The following SHISA9 variants were observed in gnomAD, a reference collection of about 807,000 sequenced individuals.
SHISA9 encodes the protein protein shisa-9.
Under a neutral mutation model 38.0 loss-of-function variants are expected in SHISA9, and 13 were observed. The ratio of observed to expected loss-of-function variants is 0.34; its 90% CI spans 0.22 to 0.54. The LOEUF is 0.54. Among genes scored for constraint, SHISA9 ranks in the 20% least tolerant of loss-of-function variants. SHISA9 has a pLI of 0.91. For synonymous variants in SHISA9, 275 were observed against 242.0 expected (o/e 1.14, Z -1.27); for missense variants, 538 against 575.8 (o/e 0.93, Z 0.67).
the SHISA9 span, among the ~76,000 whole-genome samples, chr16:13,258,695 G>C: frequency 6.6e-6 from 1 of 152,154 alleles, no homozygotes; most frequent in Admixed American, 6.5e-5. Context: ...CATGGTGGTA[G>C]CAAGAGAAAA....
At position 12,943,156 on chromosome 16, in the gene SHISA9, C is replaced by T. The variant is rs373880770; in HGVS notation, c.691+26341C>T. On this transcript the variant is annotated intron_variant, in intron 2 of 4. Coordinates refer to ENST00000558583, the MANE Select transcript of SHISA9 (RefSeq NM_001145204.3). Reference sequence around the variant, plus strand: ...CCCATTCCTGCACCAGTCACTGTGACGAGGGGAGGTGGTGCTCTGATTGGT... The same window carrying T: ...CCCATTCCTGCACCAGTCACTGTGATGAGGGGAGGTGGTGCTCTGATTGGT... 8.6e-5 allele frequency among the ~76,000 whole-genome samples: 13 copies of T among 151,868 alleles called. No individual in the cohort carries two copies. The East Asian group carries it at 1.4e-3, about 16-fold the overall frequency.
At position 13,240,154 on chromosome 16, in the gene SHISA9, C is replaced by T. The variant is rs2051423046; in HGVS notation, c.*4745C>T. 1 of 152,260 alleles carries T rather than the reference C, an allele frequency of 6.6e-6. No homozygotes were observed. Among genetic ancestry groups the T allele is most frequent in the African/African-American group, 2.4e-5 (1 of 41,460 alleles). 9.4% of individuals were successfully genotyped at this position (152,260 alleles called of 1,614,324 possible). The stretch of plus-strand genomic sequence containing the variant: ...CAGCCTCCATCTGCCTTGGGCTCCG[C>T]CTGGCCTCCCCATCTAACTCTTCCC... On this transcript the variant is annotated 3_prime_UTR_variant, in exon 5 of 5. Transcript: ENST00000558583.
At chr16:13,415,134 A>G in the SHISA9 span, among the ~76,000 whole-genome samples, 2 of 152,346 alleles carry the variant, frequency 1.3e-5, no homozygotes, top group South Asian at 2.1e-4. Flanking sequence ...GTTATAGTTC[A>G]TGATGTACAG....
the SHISA9 span, among the ~76,000 whole-genome samples, chr16:13,504,678 C>G: frequency 2.0e-5 from 3 of 152,046 alleles, no homozygotes; most frequent in Non-Finnish European, 4.4e-5. Context: ...ACAAATGAAC[C>G]ACTAGCCCTC....
At chr16:13,457,343 A>G in the SHISA9 span, among the ~76,000 whole-genome samples, 1 of 152,096 alleles carries the variant, frequency 6.6e-6, no homozygotes, top group Non-Finnish European at 1.5e-5. Context: ...GAGTTCTGTG[A>G]GTCCTAGGTA....
At chr16:12,982,827 T>G (rs1374813589) in intron 2 of SHISA9, among the ~76,000 whole-genome samples, 1 of 152,210 alleles carries the variant, frequency 6.6e-6, no homozygotes, top group Non-Finnish European at 1.5e-5. Flanking sequence ...ATAAGATACT[T>G]AAAAAGCATT....
the SHISA9 span, among the ~76,000 whole-genome samples, chr16:13,512,523 C>G: frequency 1.3e-5 from 2 of 151,890 alleles, no homozygotes; most frequent in African/African-American, 4.8e-5. Context: ...TCATATGGAA[C>G]CAAAAAAAAG....
downstream of SHISA9, among the ~76,000 whole-genome samples, chr16:13,244,939 A>G (rs550678318): frequency 1.3e-5 from 2 of 152,272 alleles, no homozygotes; most frequent in African/African-American, 4.8e-5. Context: ...CTTTTGAGAC[A>G]GGATCTCACT....
intron 2 of SHISA9, among the ~76,000 whole-genome samples, chr16:13,052,765 TA>T (rs1013959590): frequency 1.3e-5 from 2 of 151,938 alleles, no homozygotes; most frequent in African/African-American, 4.8e-5. Flanking sequence ...AAAACAGATT[TA>T]AAAAAAATGC....
intron 2 of SHISA9, among the ~76,000 whole-genome samples, chr16:12,958,924 G>T (rs2071872154): frequency 6.6e-6 from 1 of 152,190 alleles, no homozygotes; most frequent in Non-Finnish European, 1.5e-5. Flanking sequence ...AGTTGGGTCT[G>T]AGGGTTGGCC....
intron 2 of SHISA9, among the ~76,000 whole-genome samples, chr16:12,955,911 C>T (rs1203051416): frequency 6.6e-6 from 1 of 152,114 alleles, no homozygotes; most frequent in Non-Finnish European, 1.5e-5. Context: ...AGAAATGAGA[C>T]TTACTTTAAT....
At chr16:13,131,665 C>T (rs1217616788) in intron 2 of SHISA9, among the ~76,000 whole-genome samples, 1 of 152,152 alleles carries the variant, frequency 6.6e-6, no homozygotes, top group Non-Finnish European at 1.5e-5. Flanking sequence ...AAGCAGGTGA[C>T]AGCCATATTT....
intron 2 of SHISA9, among the ~76,000 whole-genome samples, chr16:13,015,898 CTTTCTT>C (rs1567182422): frequency 0.011 from 1,277 of 114,832 alleles, 14 homozygotes; most frequent in Admixed American, 0.016. Flanking sequence ...TTCTTTCTTT[CTTTCTT>C]TCTTTTCTTT....
intron 2 of SHISA9, among the ~76,000 whole-genome samples, chr16:13,095,548 C>T (rs1312064182): frequency 6.6e-6 from 1 of 152,226 alleles, no homozygotes; most frequent in African/African-American, 2.4e-5. Context: ...GCTCCCATGA[C>T]TCTTAGAATA....
rs540409413 is a variant in SHISA9 at position 13,080,298 on chromosome 16, G to A, written c.692-123096G>A. Reference sequence around the variant, plus strand: ...TGACGCAGGAGAATGGCATGAACCCGGGAGGTGGAGCTTGCAGTGAGCCTA... The same window carrying A: ...TGACGCAGGAGAATGGCATGAACCCAGGAGGTGGAGCTTGCAGTGAGCCTA... On this transcript the variant is annotated intron_variant, in intron 2 of 4. Coordinates refer to ENST00000558583, the MANE Select transcript of SHISA9 (RefSeq NM_001145204.3). Among the ~76,000 whole-genome samples the A allele has an allele frequency of 5.9e-5, 9 of 152,316 alleles. No individual in the cohort carries two copies. In the East Asian group the frequency reaches 1.2e-3, roughly 20 times the overall value.
chr16:13,188,766 A>T (rs1027023060), intron 2 of SHISA9, among the ~76,000 whole-genome samples: 1 of 151,998 alleles, frequency 6.6e-6, no homozygotes. Flanking sequence ...AATTGAAAAT[A>T]AATGAAAGTA....
chr16:13,047,821 C>A (rs1337595557), intron 2 of SHISA9, among the ~76,000 whole-genome samples: 1 of 152,158 alleles, frequency 6.6e-6, no homozygotes, highest in Admixed American at 6.5e-5. Flanking sequence ...TGAGCACTTG[C>A]CATGTCTCAG....
chr16:13,175,552 C>T (rs1311604446), intron 2 of SHISA9, among the ~76,000 whole-genome samples: 3 of 152,126 alleles, frequency 2.0e-5, no homozygotes, highest in African/African-American at 4.8e-5. Context: ...GATTCAGTCT[C>T]GTGCCCACAG....
intron 2 of SHISA9, among the ~76,000 whole-genome samples, chr16:13,182,255 G>T (rs1031440981): frequency 6.6e-6 from 1 of 152,072 alleles, no homozygotes; most frequent in African/African-American, 2.4e-5. Flanking sequence ...TATCGGTGAG[G>T]GACAGGGGAC....
Sources: allele counts gnomAD v4.1 joint callset (sites outside exome capture counted in the v4.1 genomes callset), GRCh38; gene constraint gnomAD v4.1.1; transcripts MANE v1.5; gene names NCBI Gene and HGNC (gene_info 2026-07-23, HGNC 2026-07-21).